Variants in ERI2 observed in about 807,000 individuals in gnomAD.
ERI2 encodes the protein ERI1 exoribonuclease 2.
In ERI2, 35 loss-of-function variants were observed where a neutral mutation model predicts 46.8. The observed-to-expected ratio is 0.75, with a 90% CI of 0.57 to 0.99. The LOEUF is 0.99. ERI2 is among the 50% of genes least tolerant of loss of function. The pLI is 0.00. For missense variants in ERI2, 695 were observed against 796.2 expected (o/e 0.87, Z 1.53); for synonymous variants, 224 against 271.0 (o/e 0.83, Z 1.70).
In ERI2 at chr16:20,797,941, TA is replaced by T; in HGVS notation, c.1858del (p.Tyr620IlefsTer56). 7.1e-6 allele frequency: 11 copies of T among 1,551,936 alleles called. No homozygotes were observed. Among genetic ancestry groups the T allele is most frequent in the Non-Finnish European group, 9.6e-6 (11 of 1,146,978 alleles). On this transcript the variant is annotated frameshift_variant, in exon 9 of 9. Coordinates refer to ENST00000357967, the MANE Select transcript of ERI2 (RefSeq NM_001142725.2). LOFTEE classifies it high-confidence loss of function. ...NNGPNHGKVF[Y>X]CCPIGKYQEN... ...TTGGTATTTCCCGATAGGGCAACAA[TA>T]GAAGACTTTTCCATGGTTCGGTCCA...
At chr16:20,793,135 GT>G (rs1304003683), downstream of ERI2, among the ~76,000 whole-genome samples, 1 of 152,196 alleles carries the variant, frequency 6.6e-6, no homozygotes, top group Non-Finnish European at 1.5e-5. Flanking sequence ...ACAGGGCAGA[GT>G]TAGAAGGTAT....
Position 20,798,123 on chromosome 16 carries a change from T to C in ERI2, c.1677A>G (p.Ser559=). Reference sequence around the variant, plus strand: ...AACTTCTTACTGGGGAGCAATCAGATGATGTAGGCTTTTCTTCATGAATAG... The same window carrying C: ...AACTTCTTACTGGGGAGCAATCAGACGATGTAGGCTTTTCTTCATGAATAG... The part of the protein sequence containing the change: ...PFTIHEEKPT[S]SDCSPVRSSS... Residue 559 remains serine, a synonymous_variant, in exon 9 of 9, where the codon TCA becomes TCG. Coordinates refer to ENST00000357967, the MANE Select transcript of ERI2 (RefSeq NM_001142725.2). 4.5e-6 allele frequency: 7 copies of C among 1,551,542 alleles called. No individual in the cohort carries two copies. The South Asian group carries it at 5.9e-5, about 13-fold the overall frequency.
At position 20,803,530 on chromosome 16, in the gene ERI2, AGTT is replaced by A; in HGVS notation, c.92-17_92-15del. 6.2e-7 allele frequency: 1 copy of A among 1,613,902 alleles called. No individual in the cohort carries two copies. Among genetic ancestry groups the A allele is most frequent in the Middle Eastern group, 1.7e-4 (1 of 6,060 alleles). ...CAAACAACTGCTCTGCAAAAGATCAAGTTGTTCTTATGCTTTACCAGTGCTGAA... is the reference window on the plus strand; with the variant it reads ...CAAACAACTGCTCTGCAAAAGATCAAGTTCTTATGCTTTACCAGTGCTGAA... On this transcript the variant is annotated splice_polypyrimidine_tract_variant and intron_variant, in intron 2 of 8. Coordinates refer to ENST00000357967, the MANE Select transcript of ERI2 (RefSeq NM_001142725.2).
chr16:20,797,339 C>G lies in ERI2; in HGVS notation c.*385G>C. The G allele has an allele frequency of 9.9e-7, 1 of 1,005,250 alleles. No individual in the cohort carries two copies. The highest frequency in any genetic ancestry group is 1.2e-6 in the Non-Finnish European group (1 of 843,072). The allele number at this position is 1,005,250 out of a possible 1,614,324, so 62.3% of individuals were successfully genotyped here. A position where few individuals can be genotyped will look rare whatever the true frequency, so the allele number is the denominator to read the frequency against. On this transcript the variant is annotated 3_prime_UTR_variant, in exon 9 of 9. Transcript: ENST00000357967. Reference sequence around the variant, plus strand: ...ATACAAATCAGAACCAATGTTCAAGCCTGAAATAAAACTAAAGAACTTATA... The same window carrying G: ...ATACAAATCAGAACCAATGTTCAAGGCTGAAATAAAACTAAAGAACTTATA...
intron 10 of ERI2, chr16:20,781,588 AG>A: frequency 1.3e-6 from 1 of 795,730 alleles, no homozygotes; most frequent in South Asian, 1.5e-5. Context: ...CTACAAGAAA[AG>A]GTAAGAATGT....
chr16:20,802,335 G>A (rs1299620324), intron 4 of ERI2, among the ~76,000 whole-genome samples: 1 of 151,862 alleles, frequency 6.6e-6, no homozygotes, highest in Admixed American at 6.6e-5. Context: ...GCCTTTGTCT[G>A]AAAAATAAAT....
At chr16:20,800,059 T>C (rs1596550094) in intron 6 of ERI2, 21 bp from the exon 7 acceptor site, 1 of 1,428,052 alleles carries the variant, frequency 7.0e-7, no homozygotes, top group Non-Finnish European at 9.7e-7. Context: ...AAAAAAGATA[T>C]ATTTAAAAGA....
intron 10 of ERI2, chr16:20,789,447 A>G (rs914418797): frequency 4.7e-6 from 7 of 1,476,740 alleles, no homozygotes; most frequent in Non-Finnish European, 6.6e-6. Flanking sequence ...GATTGGAGAG[A>G]GGGTAAGAGA....
chr16:20,795,014 G>A (rs1261915355), downstream of ERI2, among the ~76,000 whole-genome samples: 2 of 152,138 alleles, frequency 1.3e-5, no homozygotes, highest in Non-Finnish European at 1.5e-5. Flanking sequence ...CTTACAACAA[G>A]CATAATTTTT....
At chr16:20,806,189 G>A (rs1413311982) in intron 1 of ERI2, 3 of 1,393,004 alleles carry the variant, frequency 2.2e-6, no homozygotes, top group South Asian at 1.6e-5. Flanking sequence ...CGTCCGCCTC[G>A]GGCTCCTGTC....
At chr16:20,796,197 TAGGTAC>T, downstream of ERI2, 1 of 1,137,000 alleles carries the variant, frequency 8.8e-7, no homozygotes, top group East Asian at 2.7e-5. Flanking sequence ...TCTCCTGTAT[TAGGTAC>T]AGACCAGGAA....
chr16:20,794,131 T>G (rs1276554953), downstream of ERI2, among the ~76,000 whole-genome samples: 1 of 152,204 alleles, frequency 6.6e-6, no homozygotes, highest in African/African-American at 2.4e-5. Context: ...GCTCCATGCC[T>G]CCCTTTCTGC....
chr16:20,800,436 A>G (rs760808090), intron 5 of ERI2, 34 bp from the exon 6 acceptor site: 13 of 1,331,698 alleles, frequency 9.8e-6, no homozygotes, highest in Non-Finnish European at 1.3e-5. Flanking sequence ...AACAAAGTCA[A>G]TGATGCCAGC....
At position 20,805,432 on chromosome 16, in the gene ERI2, AAAG is replaced by A. The variant is rs2080852193; in HGVS notation, c.23+973_23+975del. On this transcript the variant is annotated intron_variant, in intron 1 of 8. Transcript: ENST00000357967. Reference sequence around the variant, plus strand: ...AAAACTCCGTCTCAAAAAAAAAAAAAAAGATCACTAGAAAATGGGTTTGTAAAA... The same window carrying A: ...AAAACTCCGTCTCAAAAAAAAAAAAAATCACTAGAAAATGGGTTTGTAAAA... 2.1e-5 allele frequency among the ~76,000 whole-genome samples: 3 copies of A among 143,442 alleles called. No homozygotes were observed. The South Asian group carries it at 6.6e-4, about 32-fold the overall frequency. The allele number at this position is 143,442 out of a possible 152,430, so 94.1% of individuals were successfully genotyped here. A position where few individuals can be genotyped will look rare whatever the true frequency, so the allele number is the denominator to read the frequency against.
At position 20,802,828 on chromosome 16, in the gene ERI2, C is replaced by G. The variant is rs1444416924; in HGVS notation, c.271G>C (p.Glu91Gln). 1 of 1,610,198 alleles carries G rather than the reference C, an allele frequency of 6.2e-7. No homozygotes were observed. Among genetic ancestry groups the G allele is most frequent in the South Asian group, 1.1e-5 (1 of 90,670 alleles). Reference sequence around the variant, plus strand: ...ATGCCTGTCAATTCCATGCAAAATTCTGAAAGAATTGGATGTTCCTGAGGT... The same window carrying G: ...ATGCCTGTCAATTCCATGCAAAATTGTGAAAGAATTGGATGTTCCTGAGGT... ...VQPQEHPILS[E>Q]FCMELTGIKQ... The change falls in exon 4 of 9, where the codon GAA (glutamate) becomes CAA (glutamine). Residue 91 changes from glutamate (E) to glutamine (Q), a missense_variant. By Grantham distance (29) the Glu-to-Gln change is conservative. Transcript: ENST00000357967.
At chr16:20,789,682 TTC>T (rs1334204507) in intron 9 of ERI2, 9 of 631,572 alleles carry the variant, frequency 1.4e-5, no homozygotes, top group South Asian at 4.1e-5. Flanking sequence ...AACTCTATTT[TTC>T]TTTTTTTTTT....
chr16:20,804,632 C>G (rs1022554874), intron 1 of ERI2, among the ~76,000 whole-genome samples: 2 of 152,086 alleles, frequency 1.3e-5, no homozygotes, highest in African/African-American at 2.4e-5. Flanking sequence ...TGCCACTGCA[C>G]TCCAGCATGG....
chr16:20,803,506 AAAC>A lies in ERI2; in HGVS notation c.99_101del (p.Leu33del), dbSNP rs768052347. 6.2e-6 allele frequency: 10 copies of A among 1,613,972 alleles called. No homozygotes were observed. Among genetic ancestry groups the A allele is most frequent in the Non-Finnish European group, 8.5e-6 (10 of 1,179,840 alleles). ...CAAAATCAATGACAATTAAGTAGTC[AAAC>A]AACTGCTCTGCAAAAGATCAAGTTG... On this transcript the variant is annotated inframe_deletion, in exon 3 of 9. Coordinates refer to ENST00000357967, the MANE Select transcript of ERI2 (RefSeq NM_001142725.2).
downstream of ERI2, chr16:20,796,331 C>T: frequency 6.2e-7 from 1 of 1,600,084 alleles, no homozygotes; most frequent in Non-Finnish European, 8.5e-7. Context: ...CATACAAATG[C>T]ATAACTCATT....
Sources: allele counts gnomAD v4.1 joint callset (sites outside exome capture counted in the v4.1 genomes callset), GRCh38; gene constraint gnomAD v4.1.1; transcripts MANE v1.5; gene names NCBI Gene and HGNC (gene_info 2026-07-23, HGNC 2026-07-21).